BICDL1: variants seen among roughly 807,000 people sequenced by gnomAD.
BICDL1 encodes the protein BICD family-like cargo adapter 1.
In BICDL1, 20 loss-of-function variants were observed where a neutral mutation model predicts 76.8. That is an observed-to-expected ratio of 0.26 (90% CI 0.18 to 0.38). BICDL1 has a LOEUF of 0.38. Ranked by LOEUF, BICDL1 falls within the 10% of genes least tolerant of loss-of-function variation. BICDL1 has a pLI of 1.00. For missense variants in BICDL1, 700 were observed against 798.6 expected, an observed-to-expected ratio of 0.88 and a Z score of 1.49; for synonymous variants, 383 against 337.1, an observed-to-expected ratio of 1.14 and a Z score of -1.49.
At chr12:119,999,062 GAAAAAA>G (rs10658480) in intron 2 of BICDL1, among the ~76,000 whole-genome samples, 6 of 95,258 alleles carry the variant, frequency 6.3e-5, no homozygotes, top group Admixed American at 1.3e-4. Flanking sequence ...GCCTGTCTCG[GAAAAAA>G]AAAAAAAAAA....
chr12:120,031,135 CA>C (rs1952413894), intron 2 of BICDL1, among the ~76,000 whole-genome samples: 2 of 151,770 alleles, frequency 1.3e-5, no homozygotes, highest in African/African-American at 2.4e-5. Flanking sequence ...GCAACTTTTC[CA>C]TAAGTTGAAA....
intron 7 of BICDL1, among the ~76,000 whole-genome samples, chr12:120,076,389 T>C (rs1012561717): frequency 4.6e-5 from 7 of 152,234 alleles, no homozygotes; most frequent in African/African-American, 1.4e-4. Flanking sequence ...TAAATTTCCA[T>C]AGGGTGCTTC....
At chr12:120,050,952 A>G (rs1952845836) in intron 2 of BICDL1, among the ~76,000 whole-genome samples, 1 of 151,106 alleles carries the variant, frequency 6.6e-6, no homozygotes, top group East Asian at 2.0e-4. Context: ...ATTTTAAGTT[A>G]TTATTTTGTA....
intron 9 of BICDL1, chr12:120,090,713 C>T (rs1021502316): frequency 1.1e-5 from 4 of 375,390 alleles, no homozygotes; most frequent in East Asian, 1.4e-4. Flanking sequence ...GATGAAAAGC[C>T]GTCTGTGGCT....
At chr12:120,012,208 A>T (rs1430829948) in intron 2 of BICDL1, among the ~76,000 whole-genome samples, 1 of 152,118 alleles carries the variant, frequency 6.6e-6, no homozygotes, top group Non-Finnish European at 1.5e-5. Context: ...CCACAACAAA[A>T]TTTATTTTCC....
At chr12:120,017,570 A>G (rs952220430) in intron 2 of BICDL1, among the ~76,000 whole-genome samples, 2 of 152,042 alleles carry the variant, frequency 1.3e-5, no homozygotes, top group African/African-American at 4.8e-5. Context: ...CTCTGCAAAA[A>G]TTTTTTTAAA....
In BICDL1 at chr12:120,081,024, AG is replaced by A; in HGVS notation, c.1583+10del. 6.2e-7 allele frequency: 1 copy of A among 1,612,188 alleles called. No homozygotes were observed. The highest frequency in any genetic ancestry group is 8.5e-7 in the Non-Finnish European group (1 of 1,179,158). Reference sequence around the variant, plus strand: ...GCGACGAGGCCATTGCAAAGTGAGTAGGGATGGCTTCACTTTATTCTTAAGA... The same window carrying A: ...GCGACGAGGCCATTGCAAAGTGAGTAGGATGGCTTCACTTTATTCTTAAGA... On this transcript the variant is annotated splice_region_variant and intron_variant, in intron 8 of 9. Coordinates refer to ENST00000548673, the MANE Select transcript of BICDL1 (RefSeq NM_001367886.1).
intron 6 of BICDL1, among the ~76,000 whole-genome samples, chr12:120,073,123 C>T (rs1288316265): frequency 1.3e-5 from 2 of 152,230 alleles, no homozygotes; most frequent in African/African-American, 4.8e-5. Context: ...ATACACCCAT[C>T]TCAGCCTCCT....
intron 2 of BICDL1, among the ~76,000 whole-genome samples, chr12:120,046,928 T>A (rs1260141230): frequency 6.6e-6 from 1 of 152,230 alleles, no homozygotes; most frequent in East Asian, 1.9e-4. Flanking sequence ...GGATCTGACA[T>A]TGAATAATAG....
At chr12:120,026,888 C>G (rs1175965119) in intron 2 of BICDL1, among the ~76,000 whole-genome samples, 3 of 152,162 alleles carry the variant, frequency 2.0e-5, no homozygotes, top group Non-Finnish European at 4.4e-5. Context: ...GTTGGTTCAC[C>G]CTACCCGCAC....
In BICDL1 at chr12:119,990,155, A is replaced by T. The variant is rs762585214; in HGVS notation, c.287A>T (p.Asp96Val). The T allele has an allele frequency of 9.3e-5, 145 of 1,551,158 alleles. 1 individual carries two copies. Among genetic ancestry groups the T allele is most frequent in the Admixed American group, 6.5e-4 (33 of 51,054 alleles). Reference protein sequence around the residue: ...GAGPQPPPSQDPELLSVIRQK... With the variant: ...GAGPQPPPSQVPELLSVIRQK... ...GGACCGCAGCCGCCGCCCTCCCAGG[A>T]CCCCGAGCTGCTGTCGGTGATCCGA... The change falls in exon 1 of 10, where the codon GAC becomes GTC. Residue 96 changes from aspartate to valine, a missense_variant. Asp to Val is a radical substitution (Grantham distance 152). This residue lies in a region of BICDL1 where 225 missense variants were observed against 199.6 expected (regional missense o/e 1.13). Transcript: ENST00000548673.
intron 2 of BICDL1, among the ~76,000 whole-genome samples, chr12:120,013,445 TG>T (rs1361427517): frequency 7.8e-6 from 1 of 127,816 alleles, no homozygotes; most frequent in Admixed American, 7.4e-5. Flanking sequence ...CCAGAGTGTG[TG>T]TGTGTGTGTG....
intron 2 of BICDL1, among the ~76,000 whole-genome samples, chr12:120,010,099 A>G (rs766863873): frequency 1.3e-5 from 2 of 152,248 alleles, no homozygotes; most frequent in African/African-American, 2.4e-5. Context: ...CAAGACCACC[A>G]GTGCCTCAGC....
intron 8 of BICDL1, among the ~76,000 whole-genome samples, chr12:120,082,046 G>C (rs1355005396): frequency 6.6e-6 from 1 of 151,938 alleles, no homozygotes; most frequent in Non-Finnish European, 1.5e-5. Flanking sequence ...TTTGATAACT[G>C]ATTTAGAATC....
intron 4 of BICDL1, among the ~76,000 whole-genome samples, chr12:120,068,613 C>T (rs1478104858): frequency 3.3e-5 from 5 of 152,192 alleles, no homozygotes; most frequent in African/African-American, 9.7e-5. Context: ...GTCAGGAGTT[C>T]GAGACCAGCC....
chr12:120,093,505 G>A lies in BICDL1; in HGVS notation c.*344G>A, dbSNP rs147145992. ...CCCAACAGATCGCAGCCCACCCCCA[G>A]GCACTGCTGCCTCCTTGATTTTAGC... On this transcript the variant is annotated 3_prime_UTR_variant, in exon 10 of 10. Coordinates refer to ENST00000548673, the MANE Select transcript of BICDL1 (RefSeq NM_001367886.1). The A allele has an allele frequency of 2.2e-4, 60 of 275,518 alleles. No homozygotes were observed. The highest frequency in any genetic ancestry group is 1.3e-3 in the African/African-American group (56 of 44,224). The allele number at this position is 275,518 out of a possible 1,614,324, so 17.1% of individuals were successfully genotyped here.
At chr12:119,998,970 T>A (rs1266046628) in intron 2 of BICDL1, among the ~76,000 whole-genome samples, 2 of 149,054 alleles carry the variant, frequency 1.3e-5, no homozygotes, top group Non-Finnish European at 3.0e-5. Flanking sequence ...GGTGGGGGGA[T>A]CGCTTGAGCC....
chr12:120,046,866 ATAAAAT>A (rs1212372151), intron 2 of BICDL1, among the ~76,000 whole-genome samples: 4 of 152,360 alleles, frequency 2.6e-5, no homozygotes, highest in African/African-American at 7.2e-5. Context: ...ACATTTAAAA[ATAAAAT>A]TAAAAGATCT....
rs892004401 is a variant in BICDL1, at chr12:119,990,094, C to G, written c.226C>G (p.Pro76Ala). The change falls in exon 1 of 10, where the codon CCT (proline) becomes GCT (alanine). Residue 76 changes from proline to alanine, a missense_variant. By Grantham distance (27) the Pro-to-Ala change is conservative. Around this residue, in one of 3 missense-constraint regions of BICDL1, gnomAD observed 225 missense variants for 199.6 expected, o/e 1.13. Coordinates refer to ENST00000548673, the MANE Select transcript of BICDL1 (RefSeq NM_001367886.1). ...GERPSDPGEH[P>A]QAEPGSLAEG... ...GCGGCCGTCCGACCCCGGGGAACAC[C>G]CTCAGGCCGAGCCTGGGTCTCTGGC... 1 of 1,548,732 alleles carries G rather than the reference C, an allele frequency of 6.5e-7. No homozygotes were observed. Among genetic ancestry groups the G allele is most frequent in the Non-Finnish European group, 8.7e-7 (1 of 1,146,778 alleles).
Sources: gnomAD v4.1 joint callset for allele counts (sites outside exome capture counted in the v4.1 genomes callset) on GRCh38, gnomAD v4.1.1 for gene constraint, gnomAD v4.1.1 regional missense constraint, MANE v1.5 for transcripts, NCBI Gene and HGNC (gene_info 2026-07-23, HGNC 2026-07-21) for gene names.